The following CDK14 variants were observed in gnomAD, a reference collection of about 807,000 sequenced individuals.
The protein encoded by CDK14 is cyclin dependent kinase 14.
CDK14 carries 34 observed loss-of-function variants against 60.7 expected under a neutral mutation model. That is an observed-to-expected ratio of 0.56 (90% CI 0.43 to 0.75). CDK14 has a LOEUF of 0.75. Among genes scored for constraint, CDK14 ranks in the 30% least tolerant of loss-of-function variants. CDK14 has a pLI of 0.00. For missense variants in CDK14, 482 were observed against 564.1 expected, an observed-to-expected ratio of 0.85 and a Z score of 1.47; for synonymous variants, 197 against 203.7, an observed-to-expected ratio of 0.97 and a Z score of 0.28.
At chr7:90,915,787 A>G (rs753016990) in intron 7 of CDK14, among the ~76,000 whole-genome samples, 2 of 152,214 alleles carry the variant, frequency 1.3e-5, no homozygotes, top group African/African-American at 2.4e-5. Flanking sequence ...TTTCCTCATT[A>G]CTAATATGGA....
intron 14 of CDK14, among the ~76,000 whole-genome samples, chr7:91,156,299 G>A (rs1800980575): frequency 6.6e-6 from 1 of 152,170 alleles, no homozygotes; most frequent in African/African-American, 2.4e-5. Flanking sequence ...CCCAAAATAT[G>A]TGGTTGGATA....
At chr7:90,645,847 T>C (rs1313141713) in intron 2 of CDK14, among the ~76,000 whole-genome samples, 1 of 152,244 alleles carries the variant, frequency 6.6e-6, no homozygotes, top group African/African-American at 2.4e-5. Flanking sequence ...GTTGTCCTAC[T>C]TCATTTTCCC....
chr7:90,961,059 G>T (rs1450811585), intron 9 of CDK14, among the ~76,000 whole-genome samples: 2 of 152,078 alleles, frequency 1.3e-5, no homozygotes, highest in African/African-American at 4.8e-5. Flanking sequence ...AGTAAATAGA[G>T]CACTCATTCA....
intron 14 of CDK14, among the ~76,000 whole-genome samples, chr7:91,154,871 T>C (rs1214792228): frequency 6.6e-6 from 1 of 152,216 alleles, no homozygotes; most frequent in East Asian, 1.9e-4. Context: ...TGGTGACTAA[T>C]TGGCTATATA....
At chr7:90,987,294 T>A (rs1455801458) in intron 10 of CDK14, among the ~76,000 whole-genome samples, 1 of 152,034 alleles carries the variant, frequency 6.6e-6, no homozygotes, top group African/African-American at 2.4e-5. Context: ...AAATTTCCCA[T>A]GGGATTATTG....
intron 4 of CDK14, among the ~76,000 whole-genome samples, chr7:90,775,798 C>T (rs1805021050): frequency 6.8e-6 from 1 of 146,808 alleles, no homozygotes; most frequent in Admixed American, 6.9e-5. Context: ...CTGGCTTCCT[C>T]CTTCCCCTTT....
intron 2 of CDK14, among the ~76,000 whole-genome samples, chr7:90,695,052 C>T (rs1801626741): frequency 6.6e-6 from 1 of 152,162 alleles, no homozygotes; most frequent in African/African-American, 2.4e-5. Context: ...TTATGACACC[C>T]TGTTGCCTAC....
At chr7:90,755,382 A>ATGTTT (rs1271233477) in intron 4 of CDK14, among the ~76,000 whole-genome samples, 8 of 152,184 alleles carry the variant, frequency 5.3e-5, no homozygotes, top group Non-Finnish European at 4.4e-5. Flanking sequence ...CAAATATTGC[A>ATGTTT]TGTTTTCACT....
chr7:90,635,886 C>A (rs1450974582), intron 2 of CDK14, among the ~76,000 whole-genome samples: 1 of 151,892 alleles, frequency 6.6e-6, no homozygotes, highest in Non-Finnish European at 1.5e-5. Context: ...ATTTTATTCT[C>A]TTTGAAGCAA....
At chr7:90,635,097 G>C (rs1800106323) in intron 2 of CDK14, among the ~76,000 whole-genome samples, 2 of 152,002 alleles carry the variant, frequency 1.3e-5, no homozygotes, top group South Asian at 4.1e-4. Context: ...TGTTCACTCT[G>C]ATGGTAGTTT....
intron 2 of CDK14, among the ~76,000 whole-genome samples, chr7:90,657,877 C>T (rs1800782183): frequency 6.6e-6 from 1 of 152,166 alleles, no homozygotes; most frequent in Admixed American, 6.5e-5. Flanking sequence ...ATGAGGAGAC[C>T]AAGGCCCAGT....
At chr7:90,907,635 A>G (rs898880457) in intron 7 of CDK14, among the ~76,000 whole-genome samples, 2 of 152,126 alleles carry the variant, frequency 1.3e-5, no homozygotes, top group African/African-American at 4.8e-5. Flanking sequence ...TGAACAATTG[A>G]AAATGACCAA....
chr7:90,733,906 A>T (rs916392445), intron 3 of CDK14, among the ~76,000 whole-genome samples: 4 of 152,078 alleles, frequency 2.6e-5, no homozygotes, highest in African/African-American at 9.7e-5. Context: ...CATAGCGTTG[A>T]TGGTCTTTAC....
intron 6 of CDK14, 91 bp downstream of exon 6, chr7:90,863,360 T>C (rs1791069486): frequency 3.1e-6 from 2 of 647,180 alleles, no homozygotes; most frequent in Admixed American, 2.9e-5. Flanking sequence ...TAGATTGCTG[T>C]ACTGAAGTTA....
At chr7:90,792,424 A>T (rs1322038153) in intron 5 of CDK14, among the ~76,000 whole-genome samples, 4 of 152,184 alleles carry the variant, frequency 2.6e-5, no homozygotes, top group Non-Finnish European at 5.9e-5. Context: ...TCATTTCAGG[A>T]ATACAAGGCT....
chr7:90,974,809 T>C (rs1795022462), intron 9 of CDK14, among the ~76,000 whole-genome samples: 1 of 152,162 alleles, frequency 6.6e-6, no homozygotes, highest in African/African-American at 2.4e-5. Flanking sequence ...CCATATTTAG[T>C]TGAAAGATAG....
At chr7:90,800,525 C>T (rs950984730) in intron 5 of CDK14, among the ~76,000 whole-genome samples, 11 of 151,902 alleles carry the variant, frequency 7.2e-5, no homozygotes, top group African/African-American at 2.7e-4. Flanking sequence ...GATTCTCTAC[C>T]TTACATTTTT....
chr7:90,838,467 ACTGC>A (rs1413818839), intron 5 of CDK14, among the ~76,000 whole-genome samples: 2 of 152,156 alleles, frequency 1.3e-5, no homozygotes, highest in Non-Finnish European at 2.9e-5. Flanking sequence ...ATAAGGTCTG[ACTGC>A]CTGCGGGGTC....
intron 11 of CDK14, among the ~76,000 whole-genome samples, chr7:91,077,772 ACACG>A (rs1434289493): frequency 2.8e-5 from 4 of 141,994 alleles, no homozygotes; most frequent in Non-Finnish European, 4.6e-5. Flanking sequence ...ACACACACAC[ACACG>A]GGCAAACTTG....
Sources: allele counts gnomAD v4.1 joint callset (sites outside exome capture counted in the v4.1 genomes callset), GRCh38; gene constraint gnomAD v4.1.1; transcripts MANE v1.5; gene names NCBI Gene and HGNC (gene_info 2026-07-23, HGNC 2026-07-21).